Variants in ADAMTS17 observed in about 807,000 individuals in gnomAD.
The protein encoded by ADAMTS17 is A disintegrin and metalloproteinase with thrombospondin motifs 17.
ADAMTS17 carries 113 observed loss-of-function variants against 141.5 expected under a neutral mutation model. That is an observed-to-expected ratio of 0.80 (90% CI 0.69 to 0.93). The LOEUF is 0.93. Ranked by LOEUF, ADAMTS17 falls within the 40% of genes least tolerant of loss-of-function variation. ADAMTS17 has a pLI of 0.00. For synonymous variants in ADAMTS17, 768 were observed against 630.6 expected (o/e 1.22, Z -3.27); for missense variants, 1,659 against 1,517.9 (o/e 1.09, Z -1.54).
chr15:99,977,356 A>G (rs1407238155), intron 20 of ADAMTS17, among the ~76,000 whole-genome samples: 2 of 1,240 alleles, frequency 1.6e-3, no homozygotes, highest in South Asian at 0.056. Flanking sequence ...CTTCATATAT[A>G]TATATATATA....
At chr15:100,117,817 T>C (rs2037233958) in intron 12 of ADAMTS17, among the ~76,000 whole-genome samples, 1 of 152,220 alleles carries the variant, frequency 6.6e-6, no homozygotes. Flanking sequence ...GAATAAGATT[T>C]CTTATCCACT....
chr15:100,281,950 C>T (rs1483641331), intron 3 of ADAMTS17, among the ~76,000 whole-genome samples: 1 of 152,138 alleles, frequency 6.6e-6, no homozygotes, highest in Non-Finnish European at 1.5e-5. Context: ...GAAAATCATA[C>T]GACCCACATC....
chr15:100,065,006 G>A (rs1010191164), intron 15 of ADAMTS17, among the ~76,000 whole-genome samples: 2 of 152,046 alleles, frequency 1.3e-5, no homozygotes, highest in African/African-American at 4.8e-5. Context: ...AGATTTCTAG[G>A]TTCAACTATG....
At chr15:99,974,759 C>T (rs2060286575) in intron 21 of ADAMTS17, among the ~76,000 whole-genome samples, 197 bp from the exon 22 acceptor site, 1 of 152,242 alleles carries the variant, frequency 6.6e-6, no homozygotes, top group Middle Eastern at 3.2e-3. Flanking sequence ...TGCACCTTTG[C>T]ATCCAAACCC....
At chr15:100,198,695 C>T (rs2041211386) in intron 8 of ADAMTS17, among the ~76,000 whole-genome samples, 1 of 152,222 alleles carries the variant, frequency 6.6e-6, no homozygotes, top group Non-Finnish European at 1.5e-5. Flanking sequence ...CTTGAGGCTT[C>T]CTACAGATGG....
intron 13 of ADAMTS17, 33 bp from the exon 14 acceptor site, chr15:100,109,149 G>T (rs189652665): frequency 1.3e-6 from 2 of 1,584,450 alleles, no homozygotes; most frequent in South Asian, 1.1e-5. Context: ...ACGTTGACAC[G>T]GGAAGGTGTG....
At chr15:100,305,502 A>G (rs961782809) in intron 3 of ADAMTS17, among the ~76,000 whole-genome samples, 4 of 152,234 alleles carry the variant, frequency 2.6e-5, no homozygotes, top group Non-Finnish European at 1.5e-5. Flanking sequence ...GGCCCCCTAG[A>G]TGGCCCTGGT....
Position 100,242,872 on chromosome 15 carries a change from C to G in ADAMTS17, c.1075+11264G>C, listed in dbSNP as rs79412290. Among the ~76,000 whole-genome samples, 1,479 of 152,310 alleles carry G rather than the reference C, an allele frequency of 9.7e-3. 23 individuals carry two copies. The highest frequency in any genetic ancestry group is 0.03 in the African/African-American group (1,238 of 41,560). On this transcript the variant is annotated intron_variant, in intron 7 of 21. Coordinates refer to ENST00000268070, the MANE Select transcript of ADAMTS17 (RefSeq NM_139057.4). ...TTTTACCTATTTTAAGTGTACGGTT[C>G]CGTGGCATTAAGTACCTTCACACTG...
intron 7 of ADAMTS17, among the ~76,000 whole-genome samples, chr15:100,248,534 C>T (rs1384948530): frequency 6.6e-6 from 1 of 152,218 alleles, no homozygotes; most frequent in Non-Finnish European, 1.5e-5. Context: ...TATGTCACAA[C>T]AGTGGCTGGA....
At chr15:100,133,136 AT>A (rs1274792743) in intron 11 of ADAMTS17, 77 bp downstream of exon 11, 2 of 1,365,376 alleles carry the variant, frequency 1.5e-6, no homozygotes, top group Non-Finnish European at 2.0e-6. Context: ...TAGAGTACAG[AT>A]TGTGTGTCAG....
intron 12 of ADAMTS17, among the ~76,000 whole-genome samples, chr15:100,123,359 A>G (rs2037549988): frequency 6.6e-6 from 1 of 152,150 alleles, no homozygotes; most frequent in African/African-American, 2.4e-5. Context: ...AAGAACAGTT[A>G]ATATAAGAGA....
At chr15:99,980,788 C>T (rs2141283838) in intron 20 of ADAMTS17, 1 of 152,414 alleles carries the variant, frequency 6.6e-6, no homozygotes, top group East Asian at 1.9e-4. Flanking sequence ...AGGTTTCTGC[C>T]TGGAAATGAT....
rs1395720192 is a variant in ADAMTS17, at chr15:100,328,951, C to T, written c.616+1938G>A. On this transcript the variant is annotated intron_variant, in intron 3 of 21. Coordinates refer to ENST00000268070, the MANE Select transcript of ADAMTS17 (RefSeq NM_139057.4). ...GTGCTCAAATGGGAAAATCCACTCC[C>T]GATGGCCCACAGGTGCTATTCCTCA... 3.9e-5 allele frequency among the ~76,000 whole-genome samples: 6 copies of T among 152,226 alleles called. No individual in the cohort carries two copies. The East Asian group carries it at 9.7e-4, about 25-fold the overall frequency.
rs577397218 is a variant in ADAMTS17 at position 99,985,136 on chromosome 15, C to T, written c.2949+7912G>A. 2.6e-5 allele frequency among the ~76,000 whole-genome samples: 4 copies of T among 152,374 alleles called. No homozygotes were observed. The South Asian group carries it at 8.3e-4, about 32-fold the overall frequency. ...CTGTAAAGCACGGATGGCCCAGCGG[C>T]GGGCTCTGTGGACTCACACACAGTG... On this transcript the variant is annotated intron_variant, in intron 20 of 21. Coordinates refer to ENST00000268070, the MANE Select transcript of ADAMTS17 (RefSeq NM_139057.4).
At chr15:100,132,255 A>C in intron 11 of ADAMTS17, 103 bp from the exon 12 acceptor site, 1 of 1,460,950 alleles carries the variant, frequency 6.8e-7, no homozygotes, top group Non-Finnish European at 9.2e-7. Context: ...CCATTTGCTA[A>C]ATTTACATAA....
chr15:100,146,611 A>G (rs1476277039), intron 10 of ADAMTS17, among the ~76,000 whole-genome samples: 2 of 152,230 alleles, frequency 1.3e-5, no homozygotes, highest in East Asian at 3.9e-4. Flanking sequence ...GATAACAGCA[A>G]TTGTTCAGGG....
chr15:100,042,308 A>G (rs978308384), intron 18 of ADAMTS17, among the ~76,000 whole-genome samples: 3 of 152,162 alleles, frequency 2.0e-5, no homozygotes, highest in African/African-American at 2.4e-5. Flanking sequence ...TTGTTGTCCA[A>G]ATATTTGTGT....
At chr15:100,222,723 C>T (rs2042172578) in intron 7 of ADAMTS17, among the ~76,000 whole-genome samples, 1 of 152,224 alleles carries the variant, frequency 6.6e-6, no homozygotes, top group Admixed American at 6.5e-5. Context: ...GCCAAAATGG[C>T]CAACGCTCTG....
intron 13 of ADAMTS17, among the ~76,000 whole-genome samples, chr15:100,110,777 G>T (rs530193611): frequency 6.6e-6 from 1 of 152,232 alleles, no homozygotes; most frequent in South Asian, 2.1e-4. Context: ...GGGTCCTTCT[G>T]GTGGCCCCGG....
Sources: allele counts gnomAD v4.1 joint callset (sites outside exome capture counted in the v4.1 genomes callset), GRCh38; gene constraint gnomAD v4.1.1; transcripts MANE v1.5; gene names NCBI Gene and HGNC (gene_info 2026-07-23, HGNC 2026-07-21).